IARS2: variants seen among roughly 807,000 people sequenced by gnomAD.
The protein encoded by IARS2 is isoleucine--tRNA ligase, mitochondrial.
In IARS2, 56 loss-of-function variants were observed where a neutral mutation model predicts 126.3. That is an observed-to-expected ratio of 0.44 (90% CI 0.36 to 0.55). IARS2 has a LOEUF of 0.55. Ranked by LOEUF, IARS2 falls within the 20% of genes least tolerant of loss-of-function variation. IARS2 has a pLI of 0.00. For synonymous variants in IARS2, 407 were observed against 441.1 expected (o/e 0.92, Z 0.97); for missense variants, 1,127 against 1,245.9 (o/e 0.90, Z 1.44).
At chr1:220,097,423 GTGCAATCTTGGCTCAC>G (rs1318162288) in intron 2 of IARS2, among the ~76,000 whole-genome samples, 1 of 150,468 alleles carries the variant, frequency 6.6e-6, no homozygotes, top group Admixed American at 6.6e-5. Context: ...GAGTGCAGTG[GTGCAATCTTGGCTCAC>G]TGCAATCTCC....
At position 220,102,420 on chromosome 1, in the gene IARS2, T is replaced by A. The variant is rs747645857; in HGVS notation, c.749+8T>A. ...TTGGTCTCCGTCATCTAGGTATATA[T>A]GCATTTTTCGGTAATTAAAAGGGAG... On this transcript the variant is annotated splice_region_variant and intron_variant, in intron 5 of 22. Coordinates refer to ENST00000366922, the MANE Select transcript of IARS2 (RefSeq NM_018060.4). 4 of 1,613,492 alleles carry A rather than the reference T, an allele frequency of 2.5e-6. No homozygotes were observed. Among genetic ancestry groups the A allele is most frequent in the Admixed American group, 3.3e-5 (2 of 59,926 alleles).
In IARS2 at chr1:220,116,696, C is replaced by A. The variant is rs534639479; in HGVS notation, c.1640+2222C>A. Among the ~76,000 whole-genome samples the A allele has an allele frequency of 1.1e-4, 16 of 152,192 alleles. 1 individual carries two copies. The highest frequency in any genetic ancestry group is 2.4e-4 in the Non-Finnish European group (16 of 67,980). ...ACAGAGCTTGGTCAGATGTAAACTA[C>A]TAATATCTTAATACTTACATTAAGA... On this transcript the variant is annotated intron_variant, in intron 12 of 22. Transcript: ENST00000366922.
At chr1:220,100,239 T>G (rs1490876086) in intron 2 of IARS2, among the ~76,000 whole-genome samples, 1 of 152,196 alleles carries the variant, frequency 6.6e-6, no homozygotes, top group African/African-American at 2.4e-5. Flanking sequence ...TCTGCAATGG[T>G]TTGATGATAT....
intron 2 of IARS2, among the ~76,000 whole-genome samples, chr1:220,100,056 A>C (rs1656540031): frequency 6.6e-6 from 1 of 152,292 alleles, no homozygotes; most frequent in African/African-American, 2.4e-5. Context: ...TCCTCCATTC[A>C]ACTATAGTAA....
Position 220,138,989 on chromosome 1 carries a change from T to G in IARS2, c.2176-19T>G. 1.3e-6 allele frequency: 2 copies of G among 1,595,312 alleles called. No homozygotes were observed. Among genetic ancestry groups the G allele is most frequent in the Non-Finnish European group, 1.7e-6 (2 of 1,172,764 alleles). ...CCATTAGATTTTTTTAACTGCATATTTTTTCTTCCTATGAATAGCTTAGGA... is the reference window on the plus strand; with the variant it reads ...CCATTAGATTTTTTTAACTGCATATGTTTTCTTCCTATGAATAGCTTAGGA... On this transcript the variant is annotated intron_variant, in intron 17 of 22. Coordinates refer to ENST00000366922, the MANE Select transcript of IARS2 (RefSeq NM_018060.4).
chr1:220,138,147 A>T, intron 17 of IARS2, 104 bp downstream of exon 17: 2 of 1,264,812 alleles, frequency 1.6e-6, no homozygotes, highest in South Asian at 2.6e-5. Context: ...CTGAATGAAA[A>T]CGAGTTCTTC....
At chr1:220,142,059 G>C in intron 20 of IARS2, 111 bp downstream of exon 20, 1 of 930,274 alleles carries the variant, frequency 1.1e-6, no homozygotes, top group Admixed American at 2.3e-5. Context: ...AGTGACTGCT[G>C]TGTGACACAG....
intron 12 of IARS2, among the ~76,000 whole-genome samples, chr1:220,119,863 T>C (rs2102828813): frequency 6.6e-6 from 1 of 152,230 alleles, no homozygotes. Flanking sequence ...TTATCCAGTG[T>C]TTGGATTTTG....
chr1:220,104,466 C>T (rs1011756685), intron 8 of IARS2, among the ~76,000 whole-genome samples: 1 of 152,180 alleles, frequency 6.6e-6, no homozygotes. Context: ...TCACTGCAGC[C>T]TCTGGATCCT....
At chr1:220,123,518 G>A (rs753267537) in intron 12 of IARS2, among the ~76,000 whole-genome samples, 1 of 152,102 alleles carries the variant, frequency 6.6e-6, no homozygotes, top group Non-Finnish European at 1.5e-5. Flanking sequence ...CTGTCACCCA[G>A]GCTGGAGTGC....
intron 14 of IARS2, among the ~76,000 whole-genome samples, chr1:220,131,338 G>A (rs542964863): frequency 2.6e-5 from 4 of 151,508 alleles, no homozygotes; most frequent in East Asian, 1.9e-4. Flanking sequence ...CACCACACTC[G>A]GTTAATTTTA....
At position 220,114,380 on chromosome 1, in the gene IARS2, A is replaced by G. The variant is rs1354258973; in HGVS notation, c.1546A>G (p.Arg516Gly). The change falls in exon 12 of 23, where the codon AGG becomes GGG. Residue 516 changes from arginine to glycine, a missense_variant. Transcript: ENST00000366922. ...GAATGGCATGGTTGAAATGATGGAC[A>G]GGCGGCCATATTGGTGTATATCAAG... The part of the protein sequence containing the change: ...ALNGMVEMMD[R>G]RPYWCISRQR... 3.7e-6 allele frequency: 6 copies of G among 1,613,826 alleles called. No individual in the cohort carries two copies. Among genetic ancestry groups the G allele is most frequent in the Non-Finnish European group, 2.5e-6 (3 of 1,179,692 alleles).
chr1:220,144,146 G>A, intron 21 of IARS2: 1 of 812,880 alleles, frequency 1.2e-6, no homozygotes, highest in South Asian at 1.3e-5. Flanking sequence ...CACTTGTTTA[G>A]CCTGCCTGTG....
intron 2 of IARS2, among the ~76,000 whole-genome samples, chr1:220,097,267 G>T (rs1018124712): frequency 4.6e-5 from 7 of 151,516 alleles, no homozygotes; most frequent in Admixed American, 1.3e-4. Context: ...CTCACTCTTT[G>T]CTACTTTAGT....
intron 14 of IARS2, among the ~76,000 whole-genome samples, chr1:220,130,398 A>G (rs1034622834): frequency 6.6e-5 from 10 of 151,434 alleles, no homozygotes; most frequent in Non-Finnish European, 1.0e-4. Context: ...TCGCTCCTTT[A>G]CTTGTGCTTT....
chr1:220,106,686 G>A (rs371345081), intron 9 of IARS2, among the ~76,000 whole-genome samples: 388 of 149,914 alleles, frequency 2.6e-3, no homozygotes, highest in African/African-American at 9.0e-3. Flanking sequence ...GGAGTGCAGT[G>A]GTGTGGTATG....
chr1:220,105,556 G>A (rs1052299263), intron 8 of IARS2, among the ~76,000 whole-genome samples: 3 of 151,944 alleles, frequency 2.0e-5, no homozygotes, highest in Admixed American at 6.6e-5. Flanking sequence ...TTTTCTTTCC[G>A]GAAAAAAATG....
At chr1:220,146,210 A>G (rs1295456622) in intron 22 of IARS2, among the ~76,000 whole-genome samples, 1 of 152,194 alleles carries the variant, frequency 6.6e-6, no homozygotes, top group Non-Finnish European at 1.5e-5. Flanking sequence ...TGGTAGCGGT[A>G]GAGTTGCATT....
In IARS2 at chr1:220,110,962, A is replaced by G. The variant is rs371040366; in HGVS notation, c.1479+25A>G. 4 of 1,607,458 alleles carry G rather than the reference A, an allele frequency of 2.5e-6. No homozygotes were observed. The African/African-American group carries it at 5.4e-5, about 22-fold the overall frequency. On this transcript the variant is annotated intron_variant, in intron 11 of 22. Transcript: ENST00000366922. ...GGTATAAAAAGCATCCTGTTTTAAC[A>G]GGTCGGGCATATCATTCCCTCAGTA...
Sources: gnomAD v4.1 joint callset for allele counts (sites outside exome capture counted in the v4.1 genomes callset) on GRCh38, gnomAD v4.1.1 for gene constraint, MANE v1.5 for transcripts, NCBI Gene and HGNC (gene_info 2026-07-23, HGNC 2026-07-21) for gene names.